The following SEMA5A variants were observed in gnomAD, a reference collection of about 807,000 sequenced individuals.
The protein encoded by SEMA5A is semaphorin 5A.
In SEMA5A, 55 loss-of-function variants were observed where a neutral mutation model predicts 135.5. The ratio of observed to expected loss-of-function variants is 0.41; its 90% CI spans 0.33 to 0.51. SEMA5A has a LOEUF of 0.51. Ranked by LOEUF, SEMA5A falls within the 20% of genes least tolerant of loss-of-function variation. The pLI, the probability that SEMA5A is intolerant of heterozygous loss-of-function variation, is 0.37. For missense variants in SEMA5A, 1,290 were observed against 1,419.9 expected (o/e 0.91, Z 1.47); for synonymous variants, 580 against 546.5 (o/e 1.06, Z -0.85).
chr5:9,253,797 C>T (rs1394431143), intron 5 of SEMA5A, among the ~76,000 whole-genome samples: 2 of 152,156 alleles, frequency 1.3e-5, no homozygotes, highest in South Asian at 2.1e-4. Context: ...GTGCCATCTA[C>T]ACCAGCCTCT....
intron 1 of SEMA5A, among the ~76,000 whole-genome samples, chr5:9,519,545 C>G (rs1284039381): frequency 6.6e-6 from 1 of 152,192 alleles, no homozygotes; most frequent in Non-Finnish European, 1.5e-5. Flanking sequence ...TTTATTTTCT[C>G]TAACCACATA....
At chr5:9,415,137 T>C (rs956766120) in intron 2 of SEMA5A, among the ~76,000 whole-genome samples, 1 of 152,228 alleles carries the variant, frequency 6.6e-6, no homozygotes, top group African/African-American at 2.4e-5. Flanking sequence ...AGTTGCATTT[T>C]TCAGTAAGTC....
At chr5:9,380,994 A>G (rs1192950980) in intron 2 of SEMA5A, among the ~76,000 whole-genome samples, 6 of 152,192 alleles carry the variant, frequency 3.9e-5, no homozygotes, top group African/African-American at 1.4e-4. Context: ...GGTACGCAAC[A>G]TGTTTTAGGA....
At chr5:9,176,983 A>G (rs961905204) in intron 11 of SEMA5A, among the ~76,000 whole-genome samples, 5 of 152,356 alleles carry the variant, frequency 3.3e-5, no homozygotes, top group Non-Finnish European at 7.3e-5. Flanking sequence ...TGCCAGAATA[A>G]TCTAATTGAA....
At chr5:9,275,728 A>T (rs1267272947) in intron 5 of SEMA5A, among the ~76,000 whole-genome samples, 1 of 152,252 alleles carries the variant, frequency 6.6e-6, no homozygotes, top group African/African-American at 2.4e-5. Flanking sequence ...ACCAATGAGA[A>T]AAAACACATG....
chr5:9,286,138 T>G (rs1750784544), intron 5 of SEMA5A, among the ~76,000 whole-genome samples: 1 of 152,084 alleles, frequency 6.6e-6, no homozygotes, highest in African/African-American at 2.4e-5. Flanking sequence ...ATGCTAGGAG[T>G]TCGTTCCACC....
chr5:9,430,847 T>G (rs1400775408), intron 2 of SEMA5A, among the ~76,000 whole-genome samples: 2 of 151,940 alleles, frequency 1.3e-5, no homozygotes, highest in Admixed American at 1.3e-4. Flanking sequence ...TTTTGTTTTT[T>G]GTTTTTTTTT....
At chr5:9,243,307 C>T (rs1313098317) in intron 5 of SEMA5A, among the ~76,000 whole-genome samples, 3 of 152,194 alleles carry the variant, frequency 2.0e-5, no homozygotes, top group Non-Finnish European at 2.9e-5. Flanking sequence ...CTCTGCCTCA[C>T]TCATCGCATG....
At chr5:9,310,107 G>C (rs914454166) in intron 5 of SEMA5A, among the ~76,000 whole-genome samples, 1 of 152,094 alleles carries the variant, frequency 6.6e-6, no homozygotes, top group Non-Finnish European at 1.5e-5. Context: ...AACTTGCCGA[G>C]TACTAGGTAC....
At chr5:9,135,715 T>A (rs943531408) in intron 13 of SEMA5A, among the ~76,000 whole-genome samples, 1 of 152,204 alleles carries the variant, frequency 6.6e-6, no homozygotes, top group Non-Finnish European at 1.5e-5. Context: ...ACATGACTTA[T>A]GACTTTTCCA....
intron 2 of SEMA5A, among the ~76,000 whole-genome samples, chr5:9,410,266 G>T (rs1757057705): frequency 6.6e-6 from 1 of 152,108 alleles, no homozygotes. Flanking sequence ...TCCAGAAATG[G>T]ATACTAAGAT....
intron 1 of SEMA5A, among the ~76,000 whole-genome samples, chr5:9,463,678 T>C (rs1759143617): frequency 6.6e-6 from 1 of 152,216 alleles, no homozygotes; most frequent in South Asian, 2.1e-4. Context: ...GGGGCTTTCC[T>C]CTGTCCCTAA....
At chr5:9,480,501 G>T (rs574671176) in intron 1 of SEMA5A, among the ~76,000 whole-genome samples, 1 of 152,248 alleles carries the variant, frequency 6.6e-6, no homozygotes, top group East Asian at 1.9e-4. Context: ...TGAGACCCTA[G>T]AGTTATTTAT....
chr5:9,537,690 A>G (rs899630686), intron 1 of SEMA5A, among the ~76,000 whole-genome samples: 3 of 152,196 alleles, frequency 2.0e-5, no homozygotes, highest in African/African-American at 7.2e-5. Flanking sequence ...GTCAGAAATG[A>G]CCCTGGCAAA....
At chr5:9,495,700 A>G (rs1735268892) in intron 1 of SEMA5A, among the ~76,000 whole-genome samples, 1 of 152,226 alleles carries the variant, frequency 6.6e-6, no homozygotes, top group African/African-American at 2.4e-5. Context: ...TCCGGCTCCC[A>G]CTAGTTCTTG....
intron 11 of SEMA5A, among the ~76,000 whole-genome samples, chr5:9,169,474 C>T (rs1418336766): frequency 6.6e-6 from 1 of 152,156 alleles, no homozygotes; most frequent in African/African-American, 2.4e-5. Context: ...GGCATGTAAA[C>T]GTGTCACACC....
intron 12 of SEMA5A, among the ~76,000 whole-genome samples, chr5:9,139,891 T>G (rs1193389633): frequency 6.6e-6 from 1 of 152,218 alleles, no homozygotes; most frequent in East Asian, 1.9e-4. Flanking sequence ...TTCTGATTCT[T>G]CTAAGGTATC....
intron 2 of SEMA5A, among the ~76,000 whole-genome samples, chr5:9,412,061 A>G (rs1467495118): frequency 6.6e-6 from 1 of 152,180 alleles, no homozygotes; most frequent in Non-Finnish European, 1.5e-5. Flanking sequence ...AGGATAAACT[A>G]AGGCTAGTTA....
At chr5:9,341,177 C>T (rs1753632465) in intron 3 of SEMA5A, among the ~76,000 whole-genome samples, 1 of 150,570 alleles carries the variant, frequency 6.6e-6, no homozygotes, top group Non-Finnish European at 1.5e-5. Context: ...AAAAAAAAAT[C>T]ACACACATAC....
Sources: allele counts gnomAD v4.1 joint callset (sites outside exome capture counted in the v4.1 genomes callset), GRCh38; gene constraint gnomAD v4.1.1; transcripts MANE v1.5; gene names NCBI Gene and HGNC (gene_info 2026-07-23, HGNC 2026-07-21).